The following EXOC4 variants were observed in gnomAD, a reference collection of about 807,000 sequenced individuals.
EXOC4 encodes exocyst complex component 4, also known as SEC8-like 1.
A neutral mutation model predicts 107.2 loss-of-function variants in EXOC4; 71 were observed. The observed-to-expected ratio is 0.66, with a 90% CI of 0.55 to 0.81. The LOEUF (loss-of-function observed/expected upper bound fraction) is 0.81. Ranked by LOEUF, EXOC4 falls within the 30% of genes least tolerant of loss-of-function variation. The probability of loss-of-function intolerance (pLI) is 0.00; values close to 1 mark genes in which losing one functional copy is unlikely to be tolerated. For synonymous variants in EXOC4, 456 were observed against 441.2 expected, an observed-to-expected ratio of 1.03 and a Z score of -0.42; for missense variants, 1,108 against 1,189.6, an observed-to-expected ratio of 0.93 and a Z score of 1.01.
At chr7:133,743,732 A>G (rs4140886) in intron 10 of EXOC4, among the ~76,000 whole-genome samples, 67,059 of 152,028 alleles carry the variant, frequency 0.44, 15,136 homozygotes, top group South Asian at 0.54. Context: ...ATCACTGTCC[A>G]TTTAGTGAGG....
intron 10 of EXOC4, among the ~76,000 whole-genome samples, chr7:133,674,889 A>G (rs1372770227): frequency 6.6e-6 from 1 of 152,276 alleles, no homozygotes; most frequent in East Asian, 1.9e-4. Context: ...GATGTCATTT[A>G]TATACCTGAA....
At chr7:133,828,293 G>A (rs776990921) in intron 11 of EXOC4, among the ~76,000 whole-genome samples, 3 of 152,158 alleles carry the variant, frequency 2.0e-5, no homozygotes, top group South Asian at 2.1e-4. Context: ...GAGGAAGAGC[G>A]TCCCATTGAA....
chr7:134,049,191 C>G (rs1795725924), intron 17 of EXOC4, among the ~76,000 whole-genome samples: 1 of 152,176 alleles, frequency 6.6e-6, no homozygotes, highest in South Asian at 2.1e-4. Flanking sequence ...AGATTATTTT[C>G]TTTCCACTTA....
intron 11 of EXOC4, among the ~76,000 whole-genome samples, chr7:133,860,212 C>T (rs1452558401): frequency 6.6e-6 from 1 of 152,166 alleles, no homozygotes; most frequent in African/African-American, 2.4e-5. Flanking sequence ...CAATTCTAAG[C>T]TGTTAACTGT....
rs118190597 is a variant in EXOC4, at chr7:133,520,062, G to A, written c.1417+39924G>A. ...GCTTGGATATACAAATACTTCTTGC[G>A]TAATGAAAGAACTCTAAGAGGAAAT... On this transcript the variant is annotated intron_variant, in intron 9 of 17. Transcript: ENST00000253861. Among the ~76,000 whole-genome samples, 999 of 152,152 alleles carry A rather than the reference G, an allele frequency of 6.6e-3. 13 individuals are homozygous for A. Among genetic ancestry groups the A allele is most frequent in the Non-Finnish European group, 7.6e-3 (514 of 68,004 alleles).
intron 9 of EXOC4, among the ~76,000 whole-genome samples, chr7:133,558,205 T>TCTTTTCTTTTCTTTTCTTTTTTTTC (rs1800735470): frequency 1.6e-5 from 2 of 128,592 alleles, no homozygotes; most frequent in African/African-American, 7.0e-5. Flanking sequence ...TCTTTTCTTT[T>TCTTTTCTTTTCTTTTCTTTTTTTTC]CTTTTCTTTT....
chr7:133,636,909 T>C (rs546318624), intron 10 of EXOC4, among the ~76,000 whole-genome samples: 1 of 152,294 alleles, frequency 6.6e-6, no homozygotes, highest in South Asian at 2.1e-4. Context: ...TTAAGACTAG[T>C]AACAGTCAGA....
chr7:133,976,067 A>G (rs1293736158), intron 14 of EXOC4, among the ~76,000 whole-genome samples: 5 of 152,146 alleles, frequency 3.3e-5, no homozygotes, highest in African/African-American at 4.8e-5. Flanking sequence ...CAAGCACACA[A>G]AATGTCCGGG....
At chr7:133,709,691 C>T (rs1420836201) in intron 10 of EXOC4, among the ~76,000 whole-genome samples, 3 of 136,678 alleles carry the variant, frequency 2.2e-5, no homozygotes, top group East Asian at 4.3e-4. Flanking sequence ...GTTTCAGTGT[C>T]GTCGTGAAGA....
intron 9 of EXOC4, among the ~76,000 whole-genome samples, chr7:133,609,801 A>G (rs1235555067): frequency 6.6e-6 from 1 of 152,316 alleles, no homozygotes; most frequent in South Asian, 2.1e-4. Context: ...GCTTTCAGTG[A>G]CATCATGTTG....
At chr7:133,888,281 C>G (rs189044779) in intron 11 of EXOC4, among the ~76,000 whole-genome samples, 1 of 152,222 alleles carries the variant, frequency 6.6e-6, no homozygotes, top group Non-Finnish European at 1.5e-5. Context: ...TGTATTTAAG[C>G]ATAATAAAAA....
chr7:134,092,284 A>T, the EXOC4 span, among the ~76,000 whole-genome samples: 14 of 152,248 alleles, frequency 9.2e-5, no homozygotes, highest in East Asian at 2.3e-3. Flanking sequence ...TATTTCAATT[A>T]AAAAAATTTA....
At chr7:133,342,013 C>T (rs1795672375) in intron 5 of EXOC4, among the ~76,000 whole-genome samples, 1 of 151,984 alleles carries the variant, frequency 6.6e-6, no homozygotes, top group Admixed American at 6.5e-5. Flanking sequence ...TTACGTGGAG[C>T]GTTTAGGCCA....
chr7:133,733,076 A>C (rs532287401), intron 10 of EXOC4: 1 of 193,778 alleles, frequency 5.2e-6, no homozygotes, highest in South Asian at 1.1e-4. Context: ...GGCTCACTTC[A>C]AACACGCAAA....
chr7:133,546,252 A>G (rs1409558083), intron 9 of EXOC4, among the ~76,000 whole-genome samples: 1 of 86,228 alleles, frequency 1.2e-5, no homozygotes, highest in Non-Finnish European at 2.4e-5. Context: ...TAGCTGGAAA[A>G]CTTTTTTTTT....
intron 11 of EXOC4, among the ~76,000 whole-genome samples, chr7:133,864,811 T>C (rs1480682472): frequency 6.6e-6 from 1 of 152,168 alleles, no homozygotes; most frequent in East Asian, 1.9e-4. Context: ...AGGCCAGATA[T>C]CAGATTCCTC....
At chr7:133,868,820 A>G (rs1043480186) in intron 11 of EXOC4, among the ~76,000 whole-genome samples, 4 of 152,102 alleles carry the variant, frequency 2.6e-5, no homozygotes, top group African/African-American at 9.7e-5. Flanking sequence ...CTTGGGAAAA[A>G]ATAATCTCTT....
At chr7:133,445,338 C>T (rs192547236) in intron 7 of EXOC4, among the ~76,000 whole-genome samples, 2 of 152,220 alleles carry the variant, frequency 1.3e-5, no homozygotes, top group Admixed American at 1.3e-4. Flanking sequence ...ATCTGAGGTT[C>T]CAAAACCTGT....
chr7:133,515,400 C>CAT (rs1004114875), intron 9 of EXOC4, among the ~76,000 whole-genome samples: 1 of 151,692 alleles, frequency 6.6e-6, no homozygotes, highest in Non-Finnish European at 1.5e-5. Context: ...CACATATATA[C>CAT]ATATATATAC....
Sources: gnomAD v4.1 joint callset for allele counts (sites outside exome capture counted in the v4.1 genomes callset) on GRCh38, gnomAD v4.1.1 for gene constraint, MANE v1.5 for transcripts, NCBI Gene and HGNC (gene_info 2026-07-23, HGNC 2026-07-21) for gene names.